The following DLG2 variants were observed in gnomAD, a reference collection of about 807,000 sequenced individuals.
DLG2 encodes disks large homolog 2.
Under a neutral mutation model 132.5 loss-of-function variants are expected in DLG2, and 45 were observed. That is an observed-to-expected ratio of 0.34 (90% CI 0.27 to 0.44). The LOEUF (loss-of-function observed/expected upper bound fraction) is 0.44. DLG2 is among the 20% of genes least tolerant of loss of function. DLG2 has a pLI of 1.00. For synonymous variants in DLG2, 424 were observed against 419.6 expected (o/e 1.01, Z -0.13); for missense variants, 1,045 against 1,196.9 (o/e 0.87, Z 1.87).
chr11:84,491,842 T>G (rs978133669), intron 7 of DLG2, among the ~76,000 whole-genome samples: 1 of 152,164 alleles, frequency 6.6e-6, no homozygotes, highest in Admixed American at 6.6e-5. Context: ...GTGTTTTACC[T>G]AATACACTTT....
chr11:84,127,233 G>A (rs1566618711), intron 9 of DLG2, among the ~76,000 whole-genome samples: 1 of 152,148 alleles, frequency 6.6e-6, no homozygotes, highest in African/African-American at 2.4e-5. Flanking sequence ...GGCTTTCAGA[G>A]GAAACCCAAA....
intron 6 of DLG2, among the ~76,000 whole-genome samples, chr11:84,745,438 T>C (rs952458233): frequency 5.3e-5 from 8 of 152,198 alleles, no homozygotes; most frequent in East Asian, 1.9e-4. Context: ...CCTGCCATGA[T>C]TGTAAGTTTT....
At chr11:85,170,943 A>C (rs917626386) in intron 4 of DLG2, among the ~76,000 whole-genome samples, 3 of 152,064 alleles carry the variant, frequency 2.0e-5, no homozygotes, top group Admixed American at 6.6e-5. Context: ...AAATAAAAAA[A>C]AAAAACAGGG....
chr11:84,373,028 G>T (rs1417462125), intron 7 of DLG2, among the ~76,000 whole-genome samples: 1 of 151,690 alleles, frequency 6.6e-6, no homozygotes, highest in Non-Finnish European at 1.5e-5. Flanking sequence ...GACTGTACTT[G>T]GGTGGATACT....
chr11:85,514,948 T>C (rs1253011797), intron 3 of DLG2, among the ~76,000 whole-genome samples: 2 of 151,952 alleles, frequency 1.3e-5, no homozygotes, highest in East Asian at 3.8e-4. Context: ...TCTATCATCT[T>C]CTTGAATTAC....
intron 6 of DLG2, among the ~76,000 whole-genome samples, chr11:85,075,392 T>TA (rs1453150029): frequency 6.6e-6 from 1 of 151,846 alleles, no homozygotes; most frequent in African/African-American, 2.4e-5. Context: ...TGTGAAAACT[T>TA]AGAAGCAATC....
At chr11:83,544,728 A>G (rs1053705954) in intron 19 of DLG2, among the ~76,000 whole-genome samples, 27 of 152,158 alleles carry the variant, frequency 1.8e-4, no homozygotes, top group African/African-American at 5.8e-4. Context: ...AAAGGTAAAA[A>G]TTAGTATCCC....
chr11:83,732,616 A>AT (rs1214868844), intron 18 of DLG2, among the ~76,000 whole-genome samples: 6 of 152,354 alleles, frequency 3.9e-5, no homozygotes, highest in Middle Eastern at 3.4e-3. Flanking sequence ...CCAAGAATTC[A>AT]TTATGCAGGC....
intron 6 of DLG2, among the ~76,000 whole-genome samples, chr11:84,830,812 A>G (rs960513520): frequency 1.3e-5 from 2 of 151,528 alleles, no homozygotes; most frequent in Non-Finnish European, 3.0e-5. Flanking sequence ...AATGTATAAG[A>G]TAATAAGATA....
chr11:85,510,765 C>T (rs2094045151), intron 3 of DLG2, among the ~76,000 whole-genome samples: 1 of 152,194 alleles, frequency 6.6e-6, no homozygotes, highest in African/African-American at 2.4e-5. Flanking sequence ...CACTTTTACA[C>T]TGTTGGTGGG....
chr11:85,609,837 C>A (rs375742556), intron 2 of DLG2, among the ~76,000 whole-genome samples: 20 of 152,292 alleles, frequency 1.3e-4, no homozygotes, highest in African/African-American at 4.8e-4. Flanking sequence ...CCTCAAGGTC[C>A]GTTACCATCC....
rs933757414 is a variant in DLG2 at position 85,248,407 on chromosome 11, A to AT, written c.186+36812dup. On this transcript the variant is annotated intron_variant, in intron 4 of 27. Coordinates refer to ENST00000376104, the MANE Select transcript of DLG2 (RefSeq NM_001142699.3). ...TCGGTAAATAGTTCTCAAATGACAG[A>AT]TTTTTTTTTTAATTAAAGATTTTTT... 6.3e-4 allele frequency among the ~76,000 whole-genome samples: 95 copies of AT among 150,540 alleles called. 1 individual carries two copies. Among genetic ancestry groups the AT allele is most frequent in the African/African-American group, 1.2e-3 (48 of 41,148 alleles).
At chr11:84,614,442 A>C (rs1246650233) in intron 6 of DLG2, among the ~76,000 whole-genome samples, 1 of 152,216 alleles carries the variant, frequency 6.6e-6, no homozygotes, top group African/African-American at 2.4e-5. Context: ...GACAAGGAGA[A>C]GCTAGACCAT....
intron 16 of DLG2, among the ~76,000 whole-genome samples, chr11:83,848,198 G>C (rs1166760942): frequency 1.4e-5 from 2 of 139,858 alleles, no homozygotes; most frequent in East Asian, 4.2e-4. Flanking sequence ...GTGTTTGTTT[G>C]TTTGCTTGTT....
At chr11:83,515,805 T>G (rs924724356) in intron 21 of DLG2, among the ~76,000 whole-genome samples, 7 of 152,352 alleles carry the variant, frequency 4.6e-5, no homozygotes, top group African/African-American at 1.4e-4. Flanking sequence ...CAGGAGCAGG[T>G]TGTTCAGTTT....
At chr11:83,929,517 T>C (rs1591265633) in intron 15 of DLG2, among the ~76,000 whole-genome samples, 1 of 152,216 alleles carries the variant, frequency 6.6e-6, no homozygotes, top group Non-Finnish European at 1.5e-5. Context: ...TTATCATATA[T>C]AGGCTTTGGA....
At chr11:83,904,571 T>A (rs953074134) in intron 15 of DLG2, among the ~76,000 whole-genome samples, 1 of 152,204 alleles carries the variant, frequency 6.6e-6, no homozygotes, top group African/African-American at 2.4e-5. Flanking sequence ...TGACTGTCTT[T>A]GTTCTGGGCT....
At chr11:84,539,023 T>A (rs1439707961) in intron 6 of DLG2, among the ~76,000 whole-genome samples, 1 of 152,138 alleles carries the variant, frequency 6.6e-6, no homozygotes, top group Non-Finnish European at 1.5e-5. Flanking sequence ...ACACTAGGAT[T>A]AATATTAACA....
rs139546575 is a variant in DLG2, at chr11:84,596,869, A to G, written c.358-62138T>C. Among the ~76,000 whole-genome samples, 884 of 152,292 alleles carry G rather than the reference A, an allele frequency of 5.8e-3. 8 individuals carry two copies. Among genetic ancestry groups the G allele is most frequent in the African/African-American group, 0.021 (855 of 41,558 alleles). On this transcript the variant is annotated intron_variant, in intron 6 of 27. Coordinates refer to ENST00000376104, the MANE Select transcript of DLG2 (RefSeq NM_001142699.3). ...AAATACTATTTCTAAAAGACTTACT[A>G]TGTTATGCATCAGGCACTATGCTAG... is the stretch of plus-strand genomic sequence containing the variant.
Sources: allele counts gnomAD v4.1 joint callset (sites outside exome capture counted in the v4.1 genomes callset), GRCh38; gene constraint gnomAD v4.1.1; transcripts MANE v1.5; gene names NCBI Gene and HGNC (gene_info 2026-07-23, HGNC 2026-07-21).